The following IGSF10 variants were observed in gnomAD, a reference collection of about 807,000 sequenced individuals.
The protein encoded by IGSF10 is calvaria mechanical force protein 608.
A neutral mutation model predicts 128.2 loss-of-function variants in IGSF10; 126 were observed. The ratio of observed to expected loss-of-function variants is 0.98; its 90% CI spans 0.85 to 1.14. IGSF10 has a LOEUF of 1.14. IGSF10 is among the 50% of genes most tolerant of loss of function. The pLI is 0.00. For missense variants in IGSF10, 3,295 were observed against 3,149.8 expected, an observed-to-expected ratio of 1.05 and a Z score of -1.10; for synonymous variants, 1,185 against 1,146.2, an observed-to-expected ratio of 1.03 and a Z score of -0.68.
chr3:151,437,730 G>A lies in IGSF10; in HGVS notation c.6831C>T (p.Asp2277=), dbSNP rs1346019186. 1 of 1,614,058 alleles carries A rather than the reference G, an allele frequency of 6.2e-7. No individual in the cohort carries two copies. The highest frequency in any genetic ancestry group is 2.2e-5 in the East Asian group (1 of 44,874). ...PSPEVMWIMP[D]NIFLTAPYYG... is the part of the protein sequence containing the mutation. The stretch of plus-strand genomic sequence containing the variant: ...AGTATGGGGCTGTGAGGAAAATATT[G>A]TCTGGCATGATCCACATGACTTCAG... The change falls in exon 8 of 8, where the codon GAC becomes GAT. Residue 2277 remains aspartate, a synonymous_variant. Transcript: ENST00000282466.
the IGSF10 span, among the ~76,000 whole-genome samples, chr3:151,512,123 A>G: frequency 5.3e-5 from 8 of 152,218 alleles, no homozygotes; most frequent in African/African-American, 1.9e-4. Context: ...CCTAATAGAC[A>G]TCTACAGAAC....
chr3:151,492,268 A>G, the IGSF10 span, among the ~76,000 whole-genome samples: 4 of 152,318 alleles, frequency 2.6e-5, no homozygotes, highest in East Asian at 5.8e-4. Flanking sequence ...GGTGCTCAAC[A>G]TCACTAATGA....
At chr3:151,544,153 C>A in the IGSF10 span, among the ~76,000 whole-genome samples, 1 of 152,236 alleles carries the variant, frequency 6.6e-6, no homozygotes. Context: ...AAGTGATCCA[C>A]CTGCCTCAGC....
At chr3:151,603,978 T>C in the IGSF10 span, among the ~76,000 whole-genome samples, 2 of 152,228 alleles carry the variant, frequency 1.3e-5, no homozygotes, top group Non-Finnish European at 2.9e-5. Flanking sequence ...TATCTTATTT[T>C]CCACTGTATA....
the IGSF10 span, among the ~76,000 whole-genome samples, chr3:151,537,515 A>AT: frequency 6.6e-6 from 1 of 152,110 alleles, no homozygotes; most frequent in African/African-American, 2.4e-5. Flanking sequence ...CATCTAGTTC[A>AT]TTTTTCCCCA....
At chr3:151,512,482 T>C in the IGSF10 span, among the ~76,000 whole-genome samples, 125,811 of 152,078 alleles carry the variant, frequency 0.83, 52,152 homozygotes, top group Middle Eastern at 0.95. Flanking sequence ...GGGAAGTTTA[T>C]AGCATTGAAT....
chr3:151,584,840 T>C, the IGSF10 span, among the ~76,000 whole-genome samples: 5 of 152,158 alleles, frequency 3.3e-5, no homozygotes, highest in Non-Finnish European at 1.5e-5. Context: ...TTTCTCCAGA[T>C]AGGGGAAGCT....
At chr3:151,531,783 C>T in the IGSF10 span, among the ~76,000 whole-genome samples, 2 of 152,056 alleles carry the variant, frequency 1.3e-5, no homozygotes, top group African/African-American at 4.8e-5. Context: ...ACTAGACAAG[C>T]AAGACCAAAC....
At chr3:151,507,732 T>C in the IGSF10 span, among the ~76,000 whole-genome samples, 1 of 152,160 alleles carries the variant, frequency 6.6e-6, no homozygotes, top group Non-Finnish European at 1.5e-5. Context: ...ATGATTCAAT[T>C]ACCTCCCAAA....
chr3:151,534,557 A>G, the IGSF10 span, among the ~76,000 whole-genome samples: 81 of 151,946 alleles, frequency 5.3e-4, no homozygotes, highest in African/African-American at 1.8e-3. Context: ...CACAAGAACA[A>G]AAAACCAAAC....
the IGSF10 span, among the ~76,000 whole-genome samples, chr3:151,596,713 G>T: frequency 0.11 from 16,081 of 152,138 alleles, 952 homozygotes; most frequent in Non-Finnish European, 0.14. Context: ...TGCTGGTCAG[G>T]TTTTCTCTCC....
the IGSF10 span, among the ~76,000 whole-genome samples, chr3:151,521,167 G>A: frequency 1.3e-5 from 2 of 151,614 alleles, no homozygotes. Context: ...TTCAATTCAA[G>A]AAAACCTAAC....
chr3:151,470,581 C>A, the IGSF10 span, among the ~76,000 whole-genome samples: 1 of 152,292 alleles, frequency 6.6e-6, no homozygotes, highest in Admixed American at 6.5e-5. Context: ...CAGCCCTCAT[C>A]TTTAGGACTT....
the IGSF10 span, among the ~76,000 whole-genome samples, chr3:151,557,407 T>A: frequency 6.6e-6 from 1 of 152,120 alleles, no homozygotes; most frequent in South Asian, 2.1e-4. Context: ...TTTCCTTTAG[T>A]TGATGAGAAT....
At chr3:151,561,677 A>G in the IGSF10 span, among the ~76,000 whole-genome samples, 3 of 152,214 alleles carry the variant, frequency 2.0e-5, no homozygotes, top group African/African-American at 7.2e-5. Flanking sequence ...AAAGAAAGAA[A>G]CAAGAAGCAA....
the IGSF10 span, among the ~76,000 whole-genome samples, chr3:151,526,821 G>A: frequency 3.3e-4 from 50 of 151,962 alleles, no homozygotes; most frequent in African/African-American, 9.2e-4. Flanking sequence ...GTTCCCTGCC[G>A]GAAGCCTTTC....
Position 151,436,207 on chromosome 3 carries a change from C to T in IGSF10, c.*482G>A, listed in dbSNP as rs988938081. On this transcript the variant is annotated 3_prime_UTR_variant, in exon 8 of 8. Coordinates refer to ENST00000282466, the MANE Select transcript of IGSF10 (RefSeq NM_178822.5). Reference sequence around the variant, plus strand: ...CATAAGACAGTTCAGTGCTTATTTTCTGTAGGTTTTAGCAAAAAAATTTAT... The same window carrying T: ...CATAAGACAGTTCAGTGCTTATTTTTTGTAGGTTTTAGCAAAAAAATTTAT... 3.3e-5 allele frequency: 5 copies of T among 153,758 alleles called. No homozygotes were observed. Among genetic ancestry groups the T allele is most frequent in the Non-Finnish European group, 7.2e-5 (5 of 69,106 alleles). The allele number at this position is 153,758 out of a possible 1,614,324, so 9.5% of individuals were successfully genotyped here.
At chr3:151,605,068 C>G in the IGSF10 span, among the ~76,000 whole-genome samples, 1 of 152,178 alleles carries the variant, frequency 6.6e-6, no homozygotes, top group Non-Finnish European at 1.5e-5. Flanking sequence ...CTTAGTAATA[C>G]TAGACAGCAT....
At chr3:151,506,010 G>C in the IGSF10 span, among the ~76,000 whole-genome samples, 47 of 151,686 alleles carry the variant, frequency 3.1e-4, no homozygotes, top group African/African-American at 1.0e-3. Flanking sequence ...AAGTACAGTG[G>C]TGTTGATCTC....
Sources: allele counts gnomAD v4.1 joint callset (sites outside exome capture counted in the v4.1 genomes callset), GRCh38; gene constraint gnomAD v4.1.1; transcripts MANE v1.5; gene names NCBI Gene and HGNC (gene_info 2026-07-23, HGNC 2026-07-21).